MYT1: variants seen among roughly 807,000 people sequenced by gnomAD.
MYT1 encodes myelin transcription factor 1, also known as myelin transcription factor I.
In MYT1, 23 loss-of-function variants were observed where a neutral mutation model predicts 123.0. The observed-to-expected ratio is 0.19, with a 90% confidence interval of 0.13 to 0.26. The LOEUF (loss-of-function observed/expected upper bound fraction) is 0.26, where lower values mean the gene tolerates loss of function less well. MYT1 is among the 10% of genes least tolerant of loss of function. The pLI is 1.00. For synonymous variants in MYT1, 518 were observed against 575.3 expected, an observed-to-expected ratio of 0.90 and a Z score of 1.43; for missense variants, 1,125 against 1,472.5, an observed-to-expected ratio of 0.76 and a Z score of 3.86.
At chr20:64,199,607 G>A (rs1296046961) in intron 3 of MYT1, among the ~76,000 whole-genome samples, 1 of 152,204 alleles carries the variant, frequency 6.6e-6, no homozygotes, top group Non-Finnish European at 1.5e-5. Context: ...TCCTGTCTGA[G>A]GTGGAGCATC....
intron 18 of MYT1, among the ~76,000 whole-genome samples, chr20:64,230,761 C>T (rs575762350): frequency 2.0e-5 from 3 of 152,302 alleles, no homozygotes; most frequent in African/African-American, 4.8e-5. Flanking sequence ...GAGGTGACCT[C>T]GGACTGGCTC....
intron 22 of MYT1, 83 bp downstream of exon 22, chr20:64,239,986 C>T: frequency 6.4e-7 from 1 of 1,554,874 alleles, no homozygotes; most frequent in Non-Finnish European, 8.7e-7. Context: ...ATCTCCCACC[C>T]CCTCTGCCTC....
In MYT1 at chr20:64,227,488, C is replaced by T; in HGVS notation, c.2591+11C>T. On this transcript the variant is annotated intron_variant, in intron 17 of 22. Coordinates refer to ENST00000328439, the MANE Select transcript of MYT1 (RefSeq NM_004535.3). ...CGCTTCACACCGGAGGTGAGCCTGC[C>T]ACACCCTCAGGTCCTGGGCCCCAGG... 1.9e-6 allele frequency: 3 copies of T among 1,611,860 alleles called. No individual in the cohort carries two copies. The South Asian group carries it at 3.3e-5, about 18-fold the overall frequency.
chr20:64,181,442 A>G (rs993165123), intron 1 of MYT1, among the ~76,000 whole-genome samples: 45 of 151,982 alleles, frequency 3.0e-4, no homozygotes, highest in African/African-American at 1.1e-3. Context: ...CTTTGACTCT[A>G]TCTCCCAAGT....
intron 1 of MYT1, among the ~76,000 whole-genome samples, chr20:64,181,833 T>G (rs1238154375): frequency 6.6e-6 from 1 of 152,208 alleles, no homozygotes. Flanking sequence ...CTAGTATTTC[T>G]GCTGCCTCCT....
intron 17 of MYT1, 66 bp from the exon 18 acceptor site, chr20:64,227,822 G>C (rs1237944890): frequency 6.6e-6 from 9 of 1,370,346 alleles, no homozygotes; most frequent in Non-Finnish European, 9.2e-6. Flanking sequence ...GAGAGGGTGA[G>C]ATGAACGGGT....
rs1386015482 is a variant in MYT1 at position 64,166,742 on chromosome 20, C to T, written c.-99+2003C>T. Among the ~76,000 whole-genome samples the T allele has an allele frequency of 6.6e-6, 1 of 152,210 alleles. No homozygotes were observed. Among genetic ancestry groups the T allele is most frequent in the African/African-American group, 2.4e-5 (1 of 41,444 alleles). On this transcript the variant is annotated intron_variant, in intron 1 of 22. Transcript: ENST00000328439. The surrounding 1 kb of genome is among the most constrained non-coding windows in gnomAD (Gnocchi z 4.9). ...CCTGGTGCATGAGTGGGGAAACACT[C>T]TCTGAGATGACCCCTTCTAGCCATG...
rs768078229 is a variant in MYT1 at position 64,205,577 on chromosome 20, G to C, written c.174G>C (p.Lys58Asn). 1.9e-6 allele frequency: 3 copies of C among 1,614,004 alleles called. No homozygotes were observed. The highest frequency in any genetic ancestry group is 2.2e-5 in the East Asian group (1 of 44,884). ...GTTTACAGAGCTGCCCCCTGGCCAAGAAGAGGAAGCTGGAGGGCGCTGAGG... is the reference window on the plus strand; with the variant it reads ...GTTTACAGAGCTGCCCCCTGGCCAACAAGAGGAAGCTGGAGGGCGCTGAGG... ...HRSLQSCPLA[K>N]KRKLEGAEAE... is the part of the protein sequence containing the mutation. The change falls in exon 6 of 23, where the codon AAG becomes AAC. Residue 58 changes from lysine to asparagine, a missense_variant. Physicochemically the swap from Lys to Asn is moderately conservative, Grantham distance 94 (BLOSUM62 0). This residue lies in a region of MYT1 where 406 missense variants were observed against 432.2 expected (regional missense o/e 0.94). Coordinates refer to ENST00000328439, the MANE Select transcript of MYT1 (RefSeq NM_004535.3).
chr20:64,233,160 TCCTTCCCTTTCC>T (rs2145732811), intron 19 of MYT1, among the ~76,000 whole-genome samples: 1 of 115,826 alleles, frequency 8.6e-6, no homozygotes, highest in Non-Finnish European at 1.8e-5. Flanking sequence ...CCTCCCTTCC[TCCTTCCCTTTCC>T]CTCCCCTCTC....
chr20:64,217,287 T>C lies in MYT1; in HGVS notation c.1846+6T>C. The stretch of plus-strand genomic sequence containing the variant: ...CTCACCTAAAGCCTTTCAATGTAAG[T>C]TGGGGAGAATTGTTCTTGTTTCTCT... On this transcript the variant is annotated splice_donor_region_variant and intron_variant, in intron 11 of 22. Coordinates refer to ENST00000328439, the MANE Select transcript of MYT1 (RefSeq NM_004535.3). 2 of 1,613,804 alleles carry C rather than the reference T, an allele frequency of 1.2e-6. No individual in the cohort carries two copies. Among genetic ancestry groups the C allele is most frequent in the Non-Finnish European group, 1.7e-6 (2 of 1,179,666 alleles).
rs189321412 is a variant in MYT1, at chr20:64,231,440, T to C, written c.2676-724T>C. ...CATTTGCCAATCTGAATTTATGTTA[T>C]TTTCATAAGGGCCTCTATCCCTCTC... is the stretch of plus-strand genomic sequence containing the variant. On this transcript the variant is annotated intron_variant, in intron 18 of 22. Coordinates refer to ENST00000328439, the MANE Select transcript of MYT1 (RefSeq NM_004535.3). The surrounding 1 kb of genome is among the most constrained non-coding windows in gnomAD (Gnocchi z 6.4). Among the ~76,000 whole-genome samples, 2 of 152,286 alleles carry C rather than the reference T, an allele frequency of 1.3e-5. No homozygotes were observed. The highest frequency in any genetic ancestry group is 3.9e-4 in the East Asian group (2 of 5,166).
At position 64,196,940 on chromosome 20, in the gene MYT1, G is replaced by A. The variant is rs1484342000; in HGVS notation, c.1-1922G>A. Among the ~76,000 whole-genome samples, 2 of 152,160 alleles carry A rather than the reference G, an allele frequency of 1.3e-5. No individual in the cohort carries two copies. The highest frequency in any genetic ancestry group is 2.1e-4 in the South Asian group (1 of 4,828). On this transcript the variant is annotated intron_variant, in intron 2 of 22. Coordinates refer to ENST00000328439, the MANE Select transcript of MYT1 (RefSeq NM_004535.3). The surrounding 1 kb of genome is among the most constrained non-coding windows in gnomAD (Gnocchi z 4.3). ...TGCATTTCAGCTGAGTGCAGGCACC[G>A]CACAAGTCCCATTGTACGTCCTGCA...
rs555260475 is a variant in MYT1 at position 64,180,889 on chromosome 20, T to G, written c.-98-9174T>G. ...GATCACCACCCCTGCCACATGCACC[T>G]CCCTGCCCTCGCTTCCCTTACTCGC... On this transcript the variant is annotated intron_variant, in intron 1 of 22. Coordinates refer to ENST00000328439, the MANE Select transcript of MYT1 (RefSeq NM_004535.3). Among the ~76,000 whole-genome samples the G allele has an allele frequency of 2.2e-4, 34 of 152,368 alleles. No individual in the cohort carries two copies. The South Asian group carries it at 5.6e-3, about 25-fold the overall frequency.
At chr20:64,211,173 C>G (rs773717577) in intron 7 of MYT1, 33 bp from the exon 8 acceptor site, 24 of 1,592,326 alleles carry the variant, frequency 1.5e-5, no homozygotes, top group Admixed American at 5.1e-5. Context: ...ACCCAGCTTC[C>G]TGGCTCTAAC....
chr20:64,216,029 T>C (rs994037121), intron 10 of MYT1, among the ~76,000 whole-genome samples: 1 of 152,176 alleles, frequency 6.6e-6, no homozygotes, highest in Non-Finnish European at 1.5e-5. Flanking sequence ...GTCCTGGTAG[T>C]GTTCAGTTCT....
intron 12 of MYT1, 150 bp downstream of exon 12, chr20:64,219,185 A>G: frequency 1.7e-6 from 2 of 1,156,974 alleles, no homozygotes; most frequent in Non-Finnish European, 2.4e-6. Flanking sequence ...CCTCCTGGCC[A>G]TGGCCCCAAG....
At chr20:64,178,427 T>C (rs1982531201) in intron 1 of MYT1, among the ~76,000 whole-genome samples, 1 of 152,198 alleles carries the variant, frequency 6.6e-6, no homozygotes, top group African/African-American at 2.4e-5. Flanking sequence ...GAAGTCGTTT[T>C]TAGCACTCCT....
At chr20:64,223,464 T>A in intron 16 of MYT1, 105 bp downstream of exon 16, 1 of 1,286,160 alleles carries the variant, frequency 7.8e-7, no homozygotes, top group Non-Finnish European at 1.1e-6. Context: ...GTGCCAAGCC[T>A]CAGCTGGCCC....
intron 2 of MYT1, among the ~76,000 whole-genome samples, chr20:64,198,023 C>T (rs1449576284): frequency 6.6e-6 from 1 of 152,098 alleles, no homozygotes; most frequent in Non-Finnish European, 1.5e-5. Flanking sequence ...CGGTGGCTCA[C>T]GCCTGTAATC....
Sources: gnomAD v4.1 joint callset for allele counts (sites outside exome capture counted in the v4.1 genomes callset) on GRCh38, gnomAD v4.1.1 for gene constraint, gnomAD v4.1.1 regional missense constraint, Gnocchi (gnomAD v3.1) non-coding constraint, MANE v1.5 for transcripts, NCBI Gene and HGNC (gene_info 2026-07-23, HGNC 2026-07-21) for gene names.